The following RLN2 variants were observed in gnomAD, a reference collection of about 807,000 sequenced individuals.
RLN2 encodes relaxin 2.
RLN2 carries 10 observed loss-of-function variants against 7.3 expected under a neutral mutation model. That is an observed-to-expected ratio of 1.36 (90% CI 0.84 to 2.31). The LOEUF is 2.31. RLN2 is among the 30% of genes most tolerant of loss of function. RLN2 has a pLI of 0.00. For missense variants in RLN2, 298 were observed against 217.6 expected (o/e 1.37, Z -2.32); for synonymous variants, 103 against 82.3 (o/e 1.25, Z -1.36).
chr9:5,326,521 G>T, the RLN2 span, among the ~76,000 whole-genome samples: 1 of 152,048 alleles, frequency 6.6e-6, no homozygotes, highest in Admixed American at 6.5e-5. Flanking sequence ...TGGGAGCCTG[G>T]GAAATGCAGT....
At chr9:5,334,330 A>G in the RLN2 span, among the ~76,000 whole-genome samples, 1 of 152,116 alleles carries the variant, frequency 6.6e-6, no homozygotes, top group Non-Finnish European at 1.5e-5. Context: ...CTCAGAATAC[A>G]AAATCAAATT....
At chr9:5,303,018 A>G (rs1212103159) in intron 1 of RLN2, among the ~76,000 whole-genome samples, 2 of 109,336 alleles carry the variant, frequency 1.8e-5, no homozygotes, top group Non-Finnish European at 3.7e-5. Flanking sequence ...TGTCTTTAAT[A>G]TGAGCATTAC....
chr9:5,312,166 G>A, the RLN2 span, among the ~76,000 whole-genome samples: 3 of 152,118 alleles, frequency 2.0e-5, no homozygotes, highest in East Asian at 1.9e-4. Context: ...GCTCCCAAGA[G>A]GAGGGATCCC....
At chr9:5,310,617 T>C in the RLN2 span, among the ~76,000 whole-genome samples, 1 of 152,010 alleles carries the variant, frequency 6.6e-6, no homozygotes, top group Non-Finnish European at 1.5e-5. Context: ...TCTGAACATA[T>C]CAGTTATAAC....
chr9:5,337,403 G>C, the RLN2 span, among the ~76,000 whole-genome samples: 1 of 151,898 alleles, frequency 6.6e-6, no homozygotes, highest in Admixed American at 6.6e-5. Context: ...TTTAGCTATG[G>C]AACCTAGGCT....
At chr9:5,325,138 C>G in the RLN2 span, among the ~76,000 whole-genome samples, 1 of 151,674 alleles carries the variant, frequency 6.6e-6, no homozygotes, top group Non-Finnish European at 1.5e-5. Flanking sequence ...TATTGCTGGC[C>G]TTAATTATTA....
rs756413634 is a variant in RLN2 at position 5,300,095 on chromosome 9, A to C, written c.*3T>G. On this transcript the variant is annotated 3_prime_UTR_variant, in exon 2 of 2. Coordinates refer to ENST00000381627, the MANE Select transcript of RLN2 (RefSeq NM_134441.3). ...ATACGAGATGTGCACAATTAGCTTC[A>C]TCTCAGCAAAATCTAGCAAGAGATC... The C allele has an allele frequency of 6.9e-6, 11 of 1,583,782 alleles. No individual in the cohort carries two copies. The highest frequency in any genetic ancestry group is 3.4e-4 in the Middle Eastern group (2 of 5,920).
At chr9:5,329,818 T>G in the RLN2 span, among the ~76,000 whole-genome samples, 13 of 151,920 alleles carry the variant, frequency 8.6e-5, no homozygotes, top group East Asian at 2.1e-3. Flanking sequence ...ATGGGAGACT[T>G]TAACACCCCA....
chr9:5,306,087 G>A (rs114044086), upstream of RLN2, among the ~76,000 whole-genome samples: 2 of 148,538 alleles, frequency 1.3e-5, no homozygotes, highest in Non-Finnish European at 3.0e-5. Context: ...AATTTCCAGG[G>A]ATTTCTTTGT....
upstream of RLN2, among the ~76,000 whole-genome samples, chr9:5,305,211 T>C (rs1438449242): frequency 6.6e-6 from 1 of 152,046 alleles, no homozygotes; most frequent in Non-Finnish European, 1.5e-5. Flanking sequence ...AACATCATGT[T>C]AGGCTTGTGC....
chr9:5,304,472 G>C lies in RLN2; in HGVS notation c.109C>G (p.Arg37Gly). The C allele has an allele frequency of 1.2e-6, 2 of 1,613,570 alleles. No homozygotes were observed. Among genetic ancestry groups the C allele is most frequent in the Non-Finnish European group, 1.7e-6 (2 of 1,179,874 alleles). ...WMEEVIKLCG[R>G]ELVRAQIAIC... is the part of the protein sequence containing the mutation. ...GCAATCTGCGCGCGAACTAATTCGCGGCCGCATAATTTAATAACTTCCTCC... is the reference window on the plus strand; with the variant it reads ...GCAATCTGCGCGCGAACTAATTCGCCGCCGCATAATTTAATAACTTCCTCC... The change falls in exon 1 of 2, where the codon CGC (arginine) becomes GGC (glycine). Residue 37 changes from arginine to glycine, a missense_variant. Arg to Gly is a moderately radical substitution (Grantham distance 125). Transcript: ENST00000381627.
the RLN2 span, among the ~76,000 whole-genome samples, chr9:5,319,315 A>C: frequency 1.3e-5 from 2 of 152,002 alleles, 1 homozygote; most frequent in Non-Finnish European, 2.9e-5. Flanking sequence ...CAGAGGAGGC[A>C]GACATATTTA....
the RLN2 span, among the ~76,000 whole-genome samples, chr9:5,333,740 T>A: frequency 6.6e-6 from 1 of 151,810 alleles, no homozygotes; most frequent in African/African-American, 2.4e-5. Context: ...CAGGCCAATA[T>A]CCCTGATGAA....
chr9:5,318,099 T>C, the RLN2 span, among the ~76,000 whole-genome samples: 1 of 151,910 alleles, frequency 6.6e-6, no homozygotes, highest in Non-Finnish European at 1.5e-5. Context: ...CTCAAACTTG[T>C]GACCTCAGGT....
rs564206624 is a variant in RLN2, at chr9:5,300,456, A to T, written c.212-12T>A. 221 of 1,446,700 alleles carry T rather than the reference A, an allele frequency of 1.5e-4. No individual in the cohort carries two copies. The highest frequency in any genetic ancestry group is 2.6e-4 in the African/African-American group (18 of 68,440). 89.6% of individuals were successfully genotyped at this position (1,446,700 alleles called of 1,614,324 possible). A position where few individuals can be genotyped will look rare whatever the true frequency, so the allele number is the denominator to read the frequency against. On this transcript the variant is annotated splice_polypyrimidine_tract_variant and intron_variant, in intron 1 of 1. Transcript: ENST00000381627. The stretch of plus-strand genomic sequence containing the variant: ...GGATGGCACAATTTCTGTTAAATTT[A>T]AAAAAAAAGGTGTATGTGAGGGTAT...
upstream of RLN2, among the ~76,000 whole-genome samples, chr9:5,307,184 CT>C (rs1816266402): frequency 6.6e-6 from 1 of 151,562 alleles, no homozygotes; most frequent in Admixed American, 6.6e-5. Context: ...TTATAAGTAA[CT>C]TTTTAAGGTT....
At chr9:5,329,733 A>C in the RLN2 span, among the ~76,000 whole-genome samples, 1 of 151,992 alleles carries the variant, frequency 6.6e-6, no homozygotes, top group South Asian at 2.1e-4. Flanking sequence ...ATATGGACCC[A>C]ATACAGGAGC....
chr9:5,322,471 G>C, the RLN2 span, among the ~76,000 whole-genome samples: 2 of 152,068 alleles, frequency 1.3e-5, no homozygotes, highest in Non-Finnish European at 2.9e-5. Context: ...AGCCAACCAA[G>C]TGACACAAGG....
At chr9:5,306,424 T>C (rs1033933248), upstream of RLN2, among the ~76,000 whole-genome samples, 7 of 151,962 alleles carry the variant, frequency 4.6e-5, no homozygotes, top group Non-Finnish European at 8.8e-5. Flanking sequence ...TATAGAGTCC[T>C]TAAAACTGTC....
Sources: allele counts gnomAD v4.1 joint callset (sites outside exome capture counted in the v4.1 genomes callset), GRCh38; gene constraint gnomAD v4.1.1; transcripts MANE v1.5; gene names NCBI Gene and HGNC (gene_info 2026-07-23, HGNC 2026-07-21).